TRPM1: variants seen among roughly 807,000 people sequenced by gnomAD.
TRPM1 encodes the protein transient receptor potential cation channel subfamily M member 1.
TRPM1 carries 113 observed loss-of-function variants against 149.4 expected under a neutral mutation model. That is an observed-to-expected ratio of 0.76 (90% CI 0.65 to 0.88). The LOEUF (loss-of-function observed/expected upper bound fraction) is 0.88. Among genes scored for constraint, TRPM1 ranks in the 40% least tolerant of loss-of-function variants. The probability of loss-of-function intolerance (pLI) is 0.00; values close to 1 mark genes in which losing one functional copy is unlikely to be tolerated. For missense variants in TRPM1, 1,976 were observed against 2,038.7 expected (o/e 0.97, Z 0.59); for synonymous variants, 741 against 759.5 (o/e 0.98, Z 0.40).
chr15:31,036,469 C>T (rs562988853), intron 20 of TRPM1, among the ~76,000 whole-genome samples: 49 of 152,142 alleles, frequency 3.2e-4, no homozygotes, highest in African/African-American at 1.0e-3. Flanking sequence ...CCTCCCAAGC[C>T]TATAAGCTTT....
At chr15:31,160,994 T>C (rs1476190960) in exon 1 of TRPM1, 3 of 1,534,526 alleles carry the variant, frequency 2.0e-6, no homozygotes, top group Non-Finnish European at 2.6e-6. Flanking sequence ...CCCTGCTGAC[T>C]CCCTCGGGTG....
At chr15:31,024,968 C>G (rs755428051) in intron 27 of TRPM1, among the ~76,000 whole-genome samples, 3 of 152,078 alleles carry the variant, frequency 2.0e-5, no homozygotes, top group Non-Finnish European at 4.4e-5. Flanking sequence ...AGGAGGGAAC[C>G]GAGGCCAGGG....
chr15:31,131,827 C>G (rs746942302), intron 1 of TRPM1, among the ~76,000 whole-genome samples: 9 of 151,536 alleles, frequency 5.9e-5, no homozygotes, highest in Non-Finnish European at 1.0e-4. Flanking sequence ...CTCGCCCCCA[C>G]CCCCCTGCTG....
intron 1 of TRPM1, among the ~76,000 whole-genome samples, chr15:31,128,685 C>T (rs1440359594): frequency 2.6e-5 from 4 of 152,200 alleles, no homozygotes; most frequent in African/African-American, 9.6e-5. Context: ...CCCAACACAC[C>T]CCATACCACT....
intron 11 of TRPM1, among the ~76,000 whole-genome samples, chr15:31,059,583 T>A (rs2034170734): frequency 6.6e-6 from 1 of 152,070 alleles, no homozygotes; most frequent in Non-Finnish European, 1.5e-5. Context: ...TTTTTTTTAT[T>A]TTTTGTAGAG....
chr15:31,122,919 T>A (rs2035899578), intron 1 of TRPM1, among the ~76,000 whole-genome samples: 1 of 152,194 alleles, frequency 6.6e-6, no homozygotes, highest in Non-Finnish European at 1.5e-5. Context: ...GGACTGACCT[T>A]ACCCAACCTC....
At chr15:31,081,064 C>T (rs558615675) in intron 2 of TRPM1, among the ~76,000 whole-genome samples, 3 of 152,188 alleles carry the variant, frequency 2.0e-5, no homozygotes, top group East Asian at 1.9e-4. Flanking sequence ...CTGTCCCCCC[C>T]CTTATCGTGC....
In TRPM1 at chr15:31,043,294, T is replaced by C. The variant is rs1255590715; in HGVS notation, c.1795-1051A>G. On this transcript the variant is annotated intron_variant, in intron 16 of 27. Transcript: ENST00000256552. ...CTGCAAGCTCTGCCTCCCGGGTTCA[T>C]GCCATTCTCCTGCCTCACCTCTGGA... is the stretch of plus-strand genomic sequence containing the variant. 2.0e-5 allele frequency among the ~76,000 whole-genome samples: 3 copies of C among 152,156 alleles called. No individual in the cohort carries two copies. In the South Asian group the frequency reaches 6.2e-4, roughly 32 times the overall value.
At chr15:31,141,080 C>A (rs576774606) in intron 1 of TRPM1, among the ~76,000 whole-genome samples, 2 of 152,034 alleles carry the variant, frequency 1.3e-5, no homozygotes, top group African/African-American at 4.8e-5. Flanking sequence ...GATCCGCCCC[C>A]CTCAGCCTCC....
At chr15:31,116,333 C>T (rs1247093927) in intron 1 of TRPM1, among the ~76,000 whole-genome samples, 2 of 152,136 alleles carry the variant, frequency 1.3e-5, no homozygotes, top group Non-Finnish European at 2.9e-5. Context: ...AAGTGCCCGG[C>T]GCCGTGGCTC....
chr15:31,053,219 T>G (rs1302872879), intron 11 of TRPM1, among the ~76,000 whole-genome samples: 1 of 152,174 alleles, frequency 6.6e-6, no homozygotes, highest in Admixed American at 6.6e-5. Context: ...TCTGAGATAT[T>G]ATCTCACACC....
In TRPM1 at chr15:31,002,856, G is replaced by C. The variant is rs372226363; in HGVS notation, c.3844C>G (p.Arg1282Gly). The change falls in exon 28 of 28, where the codon CGG (arginine) becomes GGG (glycine). Residue 1282 changes from arginine (R) to glycine (G), a missense_variant. By Grantham distance (125) the Arg-to-Gly change is moderately radical. Coordinates refer to ENST00000256552, the MANE Select transcript of TRPM1 (RefSeq NM_001252024.2). ...SSECEATYLL[R>G]QSSINSADGY... is the part of the protein sequence containing the mutation. ...TCAGCGCTATTGATGCTGCTTTGCC[G>C]GAGAAGATACGTTGCCTCACATTCA... 1 of 1,614,068 alleles carries C rather than the reference G, an allele frequency of 6.2e-7. No individual in the cohort carries two copies. The highest frequency in any genetic ancestry group is 8.5e-7 in the Non-Finnish European group (1 of 1,180,038).
intron 3 of TRPM1, among the ~76,000 whole-genome samples, chr15:31,074,385 C>T (rs2034639361): frequency 6.6e-6 from 1 of 152,090 alleles, no homozygotes; most frequent in Admixed American, 6.5e-5. Context: ...CCTTATAGAT[C>T]TGTTCAGATT....
At chr15:31,078,953 G>A (rs1467012469) in intron 2 of TRPM1, among the ~76,000 whole-genome samples, 1 of 152,176 alleles carries the variant, frequency 6.6e-6, no homozygotes, top group Non-Finnish European at 1.5e-5. Flanking sequence ...TGTCCTCTAG[G>A]ACTGAACAAA....
rs75199809 is a variant in TRPM1, at chr15:31,137,885, T to G, written c.54+23021A>C. Among the ~76,000 whole-genome samples, 1,214 of 152,242 alleles carry G rather than the reference T, an allele frequency of 8.0e-3. 12 individuals are homozygous for G. The highest frequency in any genetic ancestry group is 0.028 in the African/African-American group (1,163 of 41,540). On this transcript the variant is annotated intron_variant, in intron 1 of 26. Transcript: ENST00000542188. Reference sequence around the variant, plus strand: ...TAGAGCTCAGAGCCATAGTTTAAAATTTTCCTAAACCTAGAAAAAACCTAC... The same window carrying G: ...TAGAGCTCAGAGCCATAGTTTAAAAGTTTCCTAAACCTAGAAAAAACCTAC...
intron 1 of TRPM1, among the ~76,000 whole-genome samples, chr15:31,130,482 A>C (rs570849188): frequency 6.6e-6 from 1 of 152,352 alleles, no homozygotes; most frequent in Non-Finnish European, 1.5e-5. Context: ...CCTAGGGACC[A>C]ATCTGCCTTC....
intron 1 of TRPM1, among the ~76,000 whole-genome samples, chr15:31,160,724 G>A (rs1172917439): frequency 6.6e-6 from 1 of 152,164 alleles, no homozygotes; most frequent in African/African-American, 2.4e-5. Flanking sequence ...GGAAACATAG[G>A]GCACCTTCTG....
chr15:31,048,606 G>C (rs139069042), intron 13 of TRPM1, among the ~76,000 whole-genome samples: 24 of 152,264 alleles, frequency 1.6e-4, no homozygotes, highest in African/African-American at 5.8e-4. Flanking sequence ...GAGGCTAGGA[G>C]TTTGAGACCA....
At chr15:31,157,222 T>C (rs889889965) in intron 1 of TRPM1, among the ~76,000 whole-genome samples, 9 of 152,174 alleles carry the variant, frequency 5.9e-5, no homozygotes, top group African/African-American at 9.7e-5. Flanking sequence ...TAGTGGCTTA[T>C]TTTTTAATCC....
Sources: gnomAD v4.1 joint callset for allele counts (sites outside exome capture counted in the v4.1 genomes callset) on GRCh38, gnomAD v4.1.1 for gene constraint, MANE v1.5 for transcripts, NCBI Gene and HGNC (gene_info 2026-07-23, HGNC 2026-07-21) for gene names.